CEP112: variants seen among roughly 807,000 people sequenced by gnomAD.
The protein encoded by CEP112 is centrosomal protein of 112 kDa.
CEP112 carries 127 observed loss-of-function variants against 153.0 expected under a neutral mutation model. The ratio of observed to expected loss-of-function variants is 0.83; its 90% CI spans 0.72 to 0.96. CEP112 has a LOEUF of 0.96. CEP112 is among the 40% of genes least tolerant of loss of function. The pLI is 0.00. For synonymous variants in CEP112, 358 were observed against 374.4 expected (o/e 0.96, Z 0.51); for missense variants, 1,089 against 1,101.2 (o/e 0.99, Z 0.16).
chr17:65,756,225 G>A (rs1194088852), intron 21 of CEP112, among the ~76,000 whole-genome samples: 1 of 151,994 alleles, frequency 6.6e-6, no homozygotes, highest in Non-Finnish European at 1.5e-5. Flanking sequence ...CCAACATGGT[G>A]AAACCCCATC....
At position 65,640,988 on chromosome 17, in the gene CEP112, G is replaced by T; in HGVS notation, c.2775C>A (p.Asp925Glu). The change falls in exon 25 of 27, where the codon GAC becomes GAA. Residue 925 changes from aspartate to glutamate, a missense_variant. Coordinates refer to ENST00000535342, the MANE Select transcript of CEP112 (RefSeq NM_001199165.4). ...MPASLRQELEDTISSLKSQVN... is the reference protein window; with the variant it reads ...MPASLRQELEETISSLKSQVN... ...CCTGTGATTTTAGGGAGGAAATGGT[G>T]TCTTCAAGTTCTTGTCTTAGGGATG... The T allele has an allele frequency of 6.2e-7, 1 of 1,605,434 alleles. No individual in the cohort carries two copies. Among genetic ancestry groups the T allele is most frequent in the Non-Finnish European group, 8.5e-7 (1 of 1,172,310 alleles).
At chr17:65,953,598 G>A (rs897984224) in intron 18 of CEP112, among the ~76,000 whole-genome samples, 3 of 152,128 alleles carry the variant, frequency 2.0e-5, no homozygotes, top group Non-Finnish European at 2.9e-5. Context: ...AAATAGACTC[G>A]GTGCTGTTGG....
At chr17:66,007,440 T>A (rs2064322773) in intron 16 of CEP112, among the ~76,000 whole-genome samples, 1 of 152,208 alleles carries the variant, frequency 6.6e-6, no homozygotes, top group Non-Finnish European at 1.5e-5. Context: ...GTTCAAGTGT[T>A]TAATTATTAT....
intron 4 of CEP112, among the ~76,000 whole-genome samples, chr17:66,173,918 CT>C (rs1021219190): frequency 6.6e-6 from 1 of 151,938 alleles, no homozygotes; most frequent in African/African-American, 2.4e-5. Flanking sequence ...GGATCTCTCA[CT>C]TTTATTTATC....
chr17:65,993,537 T>C (rs1170952398), intron 17 of CEP112, among the ~76,000 whole-genome samples: 2 of 152,104 alleles, frequency 1.3e-5, no homozygotes, highest in African/African-American at 4.8e-5. Context: ...AAAAGAAACA[T>C]ATAAGAATGT....
chr17:65,872,415 T>G (rs2058694862), intron 20 of CEP112, among the ~76,000 whole-genome samples: 1 of 152,172 alleles, frequency 6.6e-6, no homozygotes, highest in South Asian at 2.1e-4. Context: ...TACAGAGGGA[T>G]TTAGACTACC....
intron 21 of CEP112, among the ~76,000 whole-genome samples, chr17:65,851,114 T>C (rs1449970091): frequency 2.0e-5 from 3 of 152,170 alleles, no homozygotes; most frequent in Non-Finnish European, 4.4e-5. Flanking sequence ...AAGTTACCCT[T>C]TGCAAGTTTC....
intron 24 of CEP112, among the ~76,000 whole-genome samples, chr17:65,667,847 G>A (rs1359699482): frequency 6.6e-6 from 1 of 151,434 alleles, no homozygotes; most frequent in Non-Finnish European, 1.5e-5. Context: ...CTGACCTGCA[G>A]CAGCCACTGT....
At position 66,029,588 on chromosome 17, in the gene CEP112, T is replaced by C. The variant is rs376372926; in HGVS notation, c.1373+281A>G. ...GCATGGTGGTGCATGCCTGCAGTCC[T>C]GGCTACTTGGGAGGATGAGGAGGGA... is the stretch of plus-strand genomic sequence containing the variant. On this transcript the variant is annotated intron_variant, in intron 13 of 26. Transcript: ENST00000535342. Among the ~76,000 whole-genome samples, 26 of 152,018 alleles carry C rather than the reference T, an allele frequency of 1.7e-4. No homozygotes were observed. The East Asian group carries it at 2.3e-3, about 14-fold the overall frequency.
intron 21 of CEP112, among the ~76,000 whole-genome samples, chr17:65,761,141 A>G (rs2052591492): frequency 6.6e-6 from 1 of 151,100 alleles, no homozygotes; most frequent in African/African-American, 2.4e-5. Context: ...TTTTTTTCTT[A>G]GTTTGCATGG....
Position 66,077,858 on chromosome 17 carries a change from C to G in CEP112, c.769-7857G>C, listed in dbSNP as rs569819519. On this transcript the variant is annotated intron_variant, in intron 8 of 26. Transcript: ENST00000535342. ...TTGTCTGTTTACCCTGCTGACTGTT[C>G]CTTTTACCGTGCAAAAGCTCTTTAG... Among the ~76,000 whole-genome samples the G allele has an allele frequency of 5.3e-5, 8 of 152,286 alleles. No homozygotes were observed. The East Asian group carries it at 1.5e-3, about 29-fold the overall frequency.
At chr17:66,068,551 G>GA (rs2067202126) in intron 9 of CEP112, among the ~76,000 whole-genome samples, 1 of 152,162 alleles carries the variant, frequency 6.6e-6, no homozygotes, top group Non-Finnish European at 1.5e-5. Flanking sequence ...CTGATGCTTA[G>GA]AAAATGCCAG....
At chr17:65,734,936 T>C (rs1031419738) in intron 23 of CEP112, among the ~76,000 whole-genome samples, 13 of 152,218 alleles carry the variant, frequency 8.5e-5, no homozygotes, top group African/African-American at 2.9e-4. Flanking sequence ...TGAATGGATC[T>C]TTTACTCAGG....
rs1163599811 is a variant in CEP112 at position 66,040,741 on chromosome 17, T to C, written c.1219-10718A>G. On this transcript the variant is annotated intron_variant, in intron 12 of 26. Transcript: ENST00000535342. Reference sequence around the variant, plus strand: ...CTGGTCTCAGGTGATCTGCCTCCCTTGGCCTTCCAAAGTGCTGGGATTACA... The same window carrying C: ...CTGGTCTCAGGTGATCTGCCTCCCTCGGCCTTCCAAAGTGCTGGGATTACA... 5.3e-5 allele frequency among the ~76,000 whole-genome samples: 8 copies of C among 152,230 alleles called. No homozygotes were observed. In the East Asian group the frequency reaches 1.3e-3, roughly 26 times the overall value.
At chr17:66,015,477 G>A (rs917195275) in intron 16 of CEP112, among the ~76,000 whole-genome samples, 3 of 152,110 alleles carry the variant, frequency 2.0e-5, no homozygotes, top group Non-Finnish European at 2.9e-5. Context: ...ATATCCTAGT[G>A]ATATATCTTC....
chr17:66,055,907 T>C (rs2066663999), intron 11 of CEP112, among the ~76,000 whole-genome samples: 1 of 152,204 alleles, frequency 6.6e-6, no homozygotes. Context: ...ACAAATTTTA[T>C]TAGTACCTGC....
intron 1 of CEP112, among the ~76,000 whole-genome samples, chr17:66,183,797 C>T (rs2072816802): frequency 6.6e-6 from 1 of 152,004 alleles, no homozygotes; most frequent in Non-Finnish European, 1.5e-5. Flanking sequence ...TCAACCTAAA[C>T]TTCATCCTGT....
intron 20 of CEP112, among the ~76,000 whole-genome samples, chr17:65,877,466 G>C (rs1300708406): frequency 1.3e-5 from 2 of 152,168 alleles, no homozygotes; most frequent in Non-Finnish European, 2.9e-5. Context: ...TCTTAAAGTA[G>C]TAGCTTGCTC....
At chr17:65,664,391 A>T (rs1227816602) in intron 24 of CEP112, among the ~76,000 whole-genome samples, 1 of 152,196 alleles carries the variant, frequency 6.6e-6, no homozygotes, top group Non-Finnish European at 1.5e-5. Context: ...GTTTTAAGAG[A>T]ACTTAAAAGT....
Sources: allele counts gnomAD v4.1 joint callset (sites outside exome capture counted in the v4.1 genomes callset), GRCh38; gene constraint gnomAD v4.1.1; transcripts MANE v1.5; gene names NCBI Gene and HGNC (gene_info 2026-07-23, HGNC 2026-07-21).